Variants in MGST2 observed in about 807,000 individuals in gnomAD.
The protein encoded by MGST2 is microsomal glutathione S-transferase 2, also known as glutathione peroxidase MGST2.
Under a neutral mutation model 16.6 loss-of-function variants are expected in MGST2, and 9 were observed. The ratio of observed to expected loss-of-function variants is 0.54; its 90% confidence interval spans 0.33 to 0.95. The LOEUF (loss-of-function observed/expected upper bound fraction) is 0.95, where lower values mean the gene tolerates loss of function less well. Among genes scored for constraint, MGST2 ranks in the 40% least tolerant of loss-of-function variants. MGST2 has a pLI of 0.03. For missense variants in MGST2, 159 were observed against 175.1 expected, an observed-to-expected ratio of 0.91 and a Z score of 0.52; for synonymous variants, 79 against 68.0, an observed-to-expected ratio of 1.16 and a Z score of -0.79.
intron 5 of MGST2, among the ~76,000 whole-genome samples, chr4:139,732,346 A>C (rs1269479421): frequency 6.6e-6 from 1 of 152,162 alleles, no homozygotes; most frequent in Non-Finnish European, 1.5e-5. Context: ...TGTGCTGTAG[A>C]ACCATGCAGG....
chr4:139,696,714 TC>T (rs1726943297), intron 3 of MGST2, among the ~76,000 whole-genome samples: 1 of 152,208 alleles, frequency 6.6e-6, no homozygotes, highest in Non-Finnish European at 1.5e-5. Flanking sequence ...ACAGTGTTCT[TC>T]AGCAAGAATT....
intron 1 of MGST2, 117 bp downstream of exon 1, chr4:139,666,194 T>C: frequency 2.7e-6 from 3 of 1,112,246 alleles, no homozygotes; most frequent in African/African-American, 1.5e-5. Flanking sequence ...TGTTTCCTAC[T>C]TGCCCTTGCA....
At chr4:139,678,709 G>A in intron 2 of MGST2, 67 bp downstream of exon 2, 2 of 1,246,640 alleles carry the variant, frequency 1.6e-6, no homozygotes, top group Non-Finnish European at 2.4e-6. Context: ...CCTGACTAGG[G>A]GAAAGGGATA....
chr4:139,672,134 A>G (rs1730725943), intron 1 of MGST2, among the ~76,000 whole-genome samples: 1 of 152,160 alleles, frequency 6.6e-6, no homozygotes. Flanking sequence ...CACACTTGCT[A>G]GTGTCACAAA....
At chr4:139,719,862 C>T in intron 5 of MGST2, 1 of 1,613,856 alleles carries the variant, frequency 6.2e-7, no homozygotes, top group Non-Finnish European at 8.5e-7. Flanking sequence ...CAGCTTTGTG[C>T]TCCTTGCTGG....
chr4:139,675,082 G>C (rs986196769), intron 1 of MGST2, among the ~76,000 whole-genome samples: 3 of 152,204 alleles, frequency 2.0e-5, no homozygotes, highest in African/African-American at 7.2e-5. Context: ...AACAACTCAA[G>C]AACTTATGTG....
At chr4:139,719,650 C>T (rs199535969) in intron 5 of MGST2, 16,334 of 1,612,778 alleles carry the variant, frequency 0.01, 124 homozygotes, top group Non-Finnish European at 0.013. Flanking sequence ...GCGATGGCAT[C>T]ATCTGCCGAC....
chr4:139,753,565 G>A, the MGST2 span, among the ~76,000 whole-genome samples: 1 of 152,104 alleles, frequency 6.6e-6, no homozygotes, highest in Non-Finnish European at 1.5e-5. Flanking sequence ...AAACTACCAT[G>A]AAAATAAAAT....
At chr4:139,708,282 G>T (rs1322963890), downstream of MGST2, among the ~76,000 whole-genome samples, 1 of 152,076 alleles carries the variant, frequency 6.6e-6, no homozygotes, top group Non-Finnish European at 1.5e-5. Context: ...TCTACATATG[G>T]CTAGCCAGTT....
the MGST2 span, among the ~76,000 whole-genome samples, chr4:139,751,990 CCAG>C: frequency 6.6e-6 from 1 of 152,148 alleles, no homozygotes; most frequent in Admixed American, 6.5e-5. Context: ...TGGTCTGAGC[CCAG>C]CAGCAGAAAT....
At chr4:139,677,466 C>T (rs1731020416) in intron 1 of MGST2, among the ~76,000 whole-genome samples, 1 of 151,536 alleles carries the variant, frequency 6.6e-6, no homozygotes, top group Admixed American at 6.6e-5. Flanking sequence ...ATAAGCCTTT[C>T]ACTGAATACA....
downstream of MGST2, among the ~76,000 whole-genome samples, chr4:139,744,393 C>T (rs771825941): frequency 6.6e-5 from 10 of 152,144 alleles, no homozygotes; most frequent in Non-Finnish European, 1.2e-4. Flanking sequence ...AACCCACTTG[C>T]TTAATATGAT....
chr4:139,750,996 AT>A, the MGST2 span, among the ~76,000 whole-genome samples: 1 of 152,184 alleles, frequency 6.6e-6, no homozygotes, highest in African/African-American at 2.4e-5. Context: ...GCCTCCTGTG[AT>A]TCAATCACTC....
chr4:139,666,034 G>C lies in MGST2; in HGVS notation c.15G>C (p.Ser5=), dbSNP rs757863653. ...CCGTGAGAAAGATGGCCGGGAACTCGATCCTGCTGGCTGCTGTCTCTATTC... is the reference window on the plus strand; with the variant it reads ...CCGTGAGAAAGATGGCCGGGAACTCCATCCTGCTGGCTGCTGTCTCTATTC... MAGN[S]ILLAAVSILS... Residue 5 remains serine, a synonymous_variant, in exon 1 of 5, where the codon TCG becomes TCC. Transcript: ENST00000265498. 6.2e-7 allele frequency: 1 copy of C among 1,614,082 alleles called. No homozygotes were observed. Among genetic ancestry groups the C allele is most frequent in the East Asian group, 2.2e-5 (1 of 44,868 alleles).
chr4:139,751,056 T>C, the MGST2 span, among the ~76,000 whole-genome samples: 1 of 152,232 alleles, frequency 6.6e-6, no homozygotes, highest in African/African-American at 2.4e-5. Context: ...TCGTCCGTCT[T>C]CAGGGTCTAA....
At chr4:139,750,056 C>T in the MGST2 span, among the ~76,000 whole-genome samples, 1 of 152,086 alleles carries the variant, frequency 6.6e-6, no homozygotes, top group African/African-American at 2.4e-5. Flanking sequence ...AATAGGATGC[C>T]AAACACAGCC....
intron 5 of MGST2, among the ~76,000 whole-genome samples, chr4:139,736,431 A>G: frequency 6.6e-6 from 1 of 152,206 alleles, no homozygotes; most frequent in South Asian, 2.1e-4. Context: ...ATGGCTAGAC[A>G]GAGGCGCCTG....
Position 139,665,926 on chromosome 4 carries a change from C to T in MGST2, c.-94C>T. On this transcript the variant is annotated 5_prime_UTR_variant, in exon 1 of 5. Transcript: ENST00000265498. ...TCAGCCTTTTCCCCCCACCCGGTCC[C>T]CAACTTTGTTTACCCGATAAGGAAG... The T allele has an allele frequency of 7.6e-7, 1 of 1,311,224 alleles. No homozygotes were observed. Among genetic ancestry groups the T allele is most frequent in the Non-Finnish European group, 1.1e-6 (1 of 912,774 alleles). The allele number at this position is 1,311,224 out of a possible 1,614,324, so 81.2% of individuals were successfully genotyped here.
intron 5 of MGST2, among the ~76,000 whole-genome samples, chr4:139,739,870 G>C (rs1334573598): frequency 6.6e-6 from 1 of 152,016 alleles, no homozygotes; most frequent in Non-Finnish European, 1.5e-5. Flanking sequence ...TTAAAAGCTT[G>C]TTAAGAATAA....
Sources: gnomAD v4.1 joint callset for allele counts (sites outside exome capture counted in the v4.1 genomes callset) on GRCh38, gnomAD v4.1.1 for gene constraint, MANE v1.5 for transcripts, NCBI Gene and HGNC (gene_info 2026-07-23, HGNC 2026-07-21) for gene names.